TXNDC8: variants seen among roughly 807,000 people sequenced by gnomAD.
The protein encoded by TXNDC8 is thioredoxin domain containing 8.
TXNDC8 carries 15 observed loss-of-function variants against 12.9 expected under a neutral mutation model. The observed-to-expected ratio is 1.16, with a 90% CI of 0.78 to 1.79. TXNDC8 has a LOEUF of 1.79. Among genes scored for constraint, TXNDC8 ranks in the 40% most tolerant of loss-of-function variants. The pLI is 0.00. For synonymous variants in TXNDC8, 40 were observed against 35.4 expected, an observed-to-expected ratio of 1.13 and a Z score of -0.46; for missense variants, 128 against 113.2, an observed-to-expected ratio of 1.13 and a Z score of -0.59.
chr9:110,336,281 T>C (rs1165283071), intron 1 of TXNDC8, among the ~76,000 whole-genome samples: 1 of 152,248 alleles, frequency 6.6e-6, no homozygotes, highest in Non-Finnish European at 1.5e-5. Context: ...GTGGCTACTT[T>C]GTTTAGTTTC....
chr9:110,310,357 T>A (rs146629903), intron 3 of TXNDC8, among the ~76,000 whole-genome samples: 1 of 152,318 alleles, frequency 6.6e-6, no homozygotes, highest in East Asian at 1.9e-4. Flanking sequence ...TTTGCTGCTT[T>A]TCACCTGAGT....
Position 110,314,432 on chromosome 9 carries a change from TTTTTTC to T in TXNDC8, c.196-9906_196-9901del, listed in dbSNP as rs1434375638. Reference sequence around the variant, plus strand: ...TTTTCTTTTTTTCTTTTTCTTTTTCTTTTTTCTTTTTTTTTTTTGAGATGGAGTCTC... The same window carrying T: ...TTTTCTTTTTTTCTTTTTCTTTTTCTTTTTTTTTTTTTGAGATGGAGTCTC... On this transcript the variant is annotated intron_variant, in intron 3 of 4. Transcript: ENST00000423740. 9.7e-3 allele frequency among the ~76,000 whole-genome samples: 1,263 copies of T among 129,554 alleles called. 23 individuals carry two copies. The highest frequency in any genetic ancestry group is 0.033 in the African/African-American group (1,197 of 36,280). 85.0% of individuals were successfully genotyped at this position (129,554 alleles called of 152,430 possible).
chr9:110,323,291 T>C (rs1839181272), intron 3 of TXNDC8: 5 of 985,372 alleles, frequency 5.1e-6, no homozygotes, highest in Non-Finnish European at 6.0e-6. Flanking sequence ...CCAAAACGGA[T>C]ATATTTGACT....
intron 2 of TXNDC8, among the ~76,000 whole-genome samples, chr9:110,333,864 T>C (rs1276420332): frequency 1.3e-5 from 2 of 152,332 alleles, no homozygotes; most frequent in Middle Eastern, 3.4e-3. Context: ...AAAACAAATA[T>C]CATATTTATC....
intron 3 of TXNDC8, among the ~76,000 whole-genome samples, chr9:110,317,613 T>A (rs1365189791): frequency 6.6e-6 from 1 of 152,216 alleles, no homozygotes; most frequent in Admixed American, 6.5e-5. Context: ...CCTGCACAGG[T>A]AAGTTTCTTC....
downstream of TXNDC8, among the ~76,000 whole-genome samples, chr9:110,302,791 T>A (rs1482474248): frequency 6.6e-6 from 1 of 152,096 alleles, no homozygotes; most frequent in African/African-American, 2.4e-5. Context: ...TGGCTGGGCA[T>A]GGTGGCTCAT....
intron 3 of TXNDC8, among the ~76,000 whole-genome samples, chr9:110,322,176 G>A (rs557913248): frequency 2.2e-3 from 248 of 111,660 alleles, no homozygotes; most frequent in African/African-American, 7.7e-3. Flanking sequence ...TGACATAAAT[G>A]GTCTCAAGTT....
chr9:110,314,401 TC>T (rs1453469519), intron 3 of TXNDC8, among the ~76,000 whole-genome samples: 1 of 149,978 alleles, frequency 6.7e-6, no homozygotes, highest in African/African-American at 2.4e-5. Flanking sequence ...AATTAAACTT[TC>T]TTTTTTTTCT....
At chr9:110,301,465 CACA>C (rs1318227967), downstream of TXNDC8, among the ~76,000 whole-genome samples, 1 of 152,096 alleles carries the variant, frequency 6.6e-6, no homozygotes, top group Non-Finnish European at 1.5e-5. Context: ...TTGCAGTGAG[CACA>C]ACATTTTAAG....
chr9:110,337,127 C>G (rs140494324), intron 1 of TXNDC8, among the ~76,000 whole-genome samples: 184 of 152,314 alleles, frequency 1.2e-3, no homozygotes, highest in African/African-American at 4.4e-3. Context: ...AAATCTGAGG[C>G]TGCTGGTGGA....
intron 3 of TXNDC8, among the ~76,000 whole-genome samples, chr9:110,316,979 C>T (rs1451161610): frequency 3.3e-5 from 5 of 152,170 alleles, no homozygotes; most frequent in Admixed American, 1.3e-4. Flanking sequence ...AGTGGAGGGT[C>T]GGATATGGCC....
chr9:110,335,912 T>C (rs781464878), intron 1 of TXNDC8, among the ~76,000 whole-genome samples: 8 of 152,212 alleles, frequency 5.3e-5, no homozygotes, highest in Non-Finnish European at 8.8e-5. Context: ...AAATCTCATC[T>C]TGAATTGTAG....
rs1490038113 is a variant in TXNDC8, at chr9:110,311,608, ATG to A, written c.196-7078_196-7077del. On this transcript the variant is annotated intron_variant, in intron 3 of 4. Coordinates refer to ENST00000423740, the MANE Select transcript of TXNDC8 (RefSeq NM_001286946.2). ...ACTATATTACTATATCCATATATATATGGATATAGTAATAGATATATATATCT... is the reference window on the plus strand; with the variant it reads ...ACTATATTACTATATCCATATATATAGATATAGTAATAGATATATATATCT... Among the ~76,000 whole-genome samples the A allele has an allele frequency of 8.6e-5, 11 of 128,414 alleles. No homozygotes were observed. The South Asian group carries it at 2.7e-3, about 32-fold the overall frequency. The allele number at this position is 128,414 out of a possible 152,430, so 84.2% of individuals were successfully genotyped here.
At chr9:110,323,329 A>C in intron 3 of TXNDC8, 1 of 985,596 alleles carries the variant, frequency 1.0e-6, no homozygotes, top group Non-Finnish European at 1.2e-6. Context: ...AGAGGAGAGC[A>C]TAGGGAGGGA....
At position 110,303,558 on chromosome 9, in the gene TXNDC8, G is replaced by T; in HGVS notation, c.*124C>A. The T allele has an allele frequency of 1.3e-6, 2 of 1,532,590 alleles. No homozygotes were observed. The highest frequency in any genetic ancestry group is 1.8e-6 in the Non-Finnish European group (2 of 1,133,746). The allele number at this position is 1,532,590 out of a possible 1,614,324, so 94.9% of individuals were successfully genotyped here. On this transcript the variant is annotated 3_prime_UTR_variant, in exon 5 of 5. Coordinates refer to ENST00000423740, the MANE Select transcript of TXNDC8 (RefSeq NM_001286946.2). ...TTGAGTCTTGGCTTCCAATTTTTTAGCATCGGCTCCACAAAACTCAAAAAT... is the reference window on the plus strand; with the variant it reads ...TTGAGTCTTGGCTTCCAATTTTTTATCATCGGCTCCACAAAACTCAAAAAT...
rs1554701995 is a variant in TXNDC8 at position 110,311,520 on chromosome 9, G to GGTAT, written c.196-6992_196-6989dup. Among the ~76,000 whole-genome samples the GGTAT allele has an allele frequency of 1.1e-3, 18 of 16,542 alleles. 1 individual carries two copies. In the East Asian group the frequency reaches 0.049, roughly 45 times the overall value. The allele number at this position is 16,542 out of a possible 152,430, so 10.9% of individuals were successfully genotyped here. A position where few individuals can be genotyped will look rare whatever the true frequency, so the allele number is the denominator to read the frequency against. The stretch of plus-strand genomic sequence containing the variant: ...GTAAAGAAAGTTACAAAAATAAAGA[G>GGTAT]GTATATATATATATATATATATATA... On this transcript the variant is annotated intron_variant, in intron 3 of 4. Transcript: ENST00000423740.
intron 4 of TXNDC8, chr9:110,303,852 A>C: frequency 1.5e-6 from 1 of 685,456 alleles, no homozygotes; most frequent in Non-Finnish European, 2.4e-6. Flanking sequence ...TAAAACGTAT[A>C]ATAATCTCGG....
chr9:110,325,814 C>T (rs560011422), intron 3 of TXNDC8, among the ~76,000 whole-genome samples: 3 of 152,122 alleles, frequency 2.0e-5, no homozygotes, highest in Non-Finnish European at 2.9e-5. Flanking sequence ...CCACCGCGCC[C>T]GGCCTGCAAC....
At chr9:110,329,170 T>C in intron 2 of TXNDC8, 62 bp downstream of exon 3, 2 of 1,354,642 alleles carry the variant, frequency 1.5e-6, no homozygotes, top group Non-Finnish European at 2.1e-6. Flanking sequence ...ACTGAGACAG[T>C]GCTATTCAAT....
Sources: allele counts gnomAD v4.1 joint callset (sites outside exome capture counted in the v4.1 genomes callset), GRCh38; gene constraint gnomAD v4.1.1; transcripts MANE v1.5; gene names NCBI Gene and HGNC (gene_info 2026-07-23, HGNC 2026-07-21).